DNAH6: variants seen among roughly 807,000 people sequenced by gnomAD.
DNAH6 encodes dynein axonemal heavy chain 6.
Under a neutral mutation model 491.4 loss-of-function variants are expected in DNAH6, and 340 were observed. The ratio of observed to expected loss-of-function variants is 0.69; its 90% CI spans 0.63 to 0.76. DNAH6 has a LOEUF of 0.76. Ranked by LOEUF, DNAH6 falls within the 30% of genes least tolerant of loss-of-function variation. DNAH6 has a pLI of 0.00. For missense variants in DNAH6, 4,443 were observed against 4,972.2 expected (o/e 0.89, Z 3.20); for synonymous variants, 1,603 against 1,686.1 (o/e 0.95, Z 1.21).
chr2:84,681,252 AT>A, intron 41 of DNAH6, 104 bp from the exon 42 acceptor site: 1 of 999,804 alleles, frequency 1.0e-6, no homozygotes, highest in Non-Finnish European at 1.4e-6. Context: ...TTGTGTTGGA[AT>A]TTGGCTTTCT....
intron 11 of DNAH6, among the ~76,000 whole-genome samples, chr2:84,559,236 G>C (rs937150498): frequency 1.3e-5 from 2 of 152,142 alleles, no homozygotes; most frequent in Non-Finnish European, 2.9e-5. Flanking sequence ...TGTATCAGAG[G>C]ACTGTCTACA....
intron 48 of DNAH6, 34 bp from the exon 49 acceptor site, chr2:84,701,056 AATGACAC>A (rs1695854316): frequency 3.2e-6 from 5 of 1,540,670 alleles, no homozygotes; most frequent in Non-Finnish European, 2.6e-6. Context: ...ATGTTATTGA[AATGACAC>A]AACAGATTTT....
At chr2:84,495,089 A>G in the DNAH6 span, among the ~76,000 whole-genome samples, 1 of 152,332 alleles carries the variant, frequency 6.6e-6, no homozygotes, top group South Asian at 2.1e-4. Flanking sequence ...TTTAATTCAT[A>G]TGATGTGTGG....
rs1321434779 is a variant in DNAH6, at chr2:84,653,444, A to C, written c.5204A>C (p.Lys1735Thr). ...NLQPEMCMVRKVIQFYETMLV... is the reference protein window; with the variant it reads ...NLQPEMCMVRTVIQFYETMLV... ...CAGCCTGAGATGTGTATGGTTAGAA[A>C]GGTGATACAGTTTTATGAAACTATG... Residue 1735 changes from lysine to threonine, a missense_variant, in exon 34 of 77, where the codon AAG becomes ACG. Lys to Thr is a moderately conservative substitution (Grantham distance 78, BLOSUM62 -1). Around this residue, in one of 3 missense-constraint regions of DNAH6, gnomAD observed 2,977 missense variants for 3,296.6 expected, o/e 0.90. Coordinates refer to ENST00000389394, the MANE Select transcript of DNAH6 (RefSeq NM_001370.2). 5 of 1,551,220 alleles carry C rather than the reference A, an allele frequency of 3.2e-6. No homozygotes were observed. Among genetic ancestry groups the C allele is most frequent in the Middle Eastern group, 3.3e-4 (2 of 5,988 alleles).
intron 63 of DNAH6, among the ~76,000 whole-genome samples, chr2:84,757,382 G>T (rs1293743104): frequency 6.6e-6 from 1 of 152,164 alleles, no homozygotes; most frequent in African/African-American, 2.4e-5. Context: ...GGTAGAGTGA[G>T]ATCTGATACG....
chr2:84,523,444 C>T (rs778260140), intron 2 of DNAH6, among the ~76,000 whole-genome samples: 19 of 151,602 alleles, frequency 1.3e-4, no homozygotes, highest in Non-Finnish European at 2.5e-4. Context: ...TTTTTTATTT[C>T]TCAATATCCT....
intron 64 of DNAH6, among the ~76,000 whole-genome samples, chr2:84,765,147 A>G (rs1395486634): frequency 6.6e-6 from 1 of 152,140 alleles, no homozygotes; most frequent in East Asian, 1.9e-4. Flanking sequence ...AAATAATTGC[A>G]TGTATTATTT....
chr2:84,735,233 T>C (rs1206637466), intron 62 of DNAH6, among the ~76,000 whole-genome samples: 1 of 152,252 alleles, frequency 6.6e-6, no homozygotes, highest in Non-Finnish European at 1.5e-5. Flanking sequence ...CGTAATGTCA[T>C]TCTTTCTATG....
At chr2:84,778,815 G>C (rs537065685) in intron 64 of DNAH6, among the ~76,000 whole-genome samples, 4 of 152,262 alleles carry the variant, frequency 2.6e-5, no homozygotes, top group Admixed American at 6.5e-5. Flanking sequence ...ACACTGCTTT[G>C]CTGCATCCCA....
At chr2:84,598,188 T>TTTTCTTTCTTTC (rs55731012) in intron 18 of DNAH6, among the ~76,000 whole-genome samples, 3 of 132,860 alleles carry the variant, frequency 2.3e-5, no homozygotes, top group Non-Finnish European at 3.1e-5. Flanking sequence ...TCTCTCTTTC[T>TTTTCTTTCTTTC]TTTCTTTCTT....
intron 70 of DNAH6, among the ~76,000 whole-genome samples, chr2:84,803,602 A>T (rs1679138236): frequency 6.6e-6 from 1 of 152,030 alleles, no homozygotes; most frequent in Non-Finnish European, 1.5e-5. Flanking sequence ...AACATTATGA[A>T]TAATTCATAA....
chr2:84,577,580 C>G (rs1573079406), intron 13 of DNAH6, among the ~76,000 whole-genome samples, 172 bp downstream of exon 13: 1 of 152,030 alleles, frequency 6.6e-6, no homozygotes, highest in African/African-American at 2.4e-5. Context: ...TTGTCACAAG[C>G]ATAATCAGCT....
At chr2:84,546,904 GA>G (rs1447570210) in intron 5 of DNAH6, among the ~76,000 whole-genome samples, 3 of 152,162 alleles carry the variant, frequency 2.0e-5, no homozygotes, top group Non-Finnish European at 4.4e-5. Context: ...TAAATTAATA[GA>G]TGGGCCTTTC....
Position 84,573,582 on chromosome 2 carries a change from A to T in DNAH6, c.1919A>T (p.Glu640Val), listed in dbSNP as rs375321850. The T allele has an allele frequency of 6.4e-7, 1 of 1,567,034 alleles. No homozygotes were observed. Among genetic ancestry groups the T allele is most frequent in the Non-Finnish European group, 8.6e-7 (1 of 1,166,942 alleles). The change falls in exon 12 of 77, where the codon GAA becomes GTA. Residue 640 changes from glutamate (E) to valine (V), a missense_variant. Glu to Val is a moderately radical substitution (Grantham distance 121). Transcript: ENST00000389394. ...GATTTACAAGCTCTTAAACTTCAGG[A>T]ACCTGGTAACTTGTCCATTTGTACT... ...SLDLQALKLQ[E>V]PDINFFSEQL...
intron 64 of DNAH6, among the ~76,000 whole-genome samples, chr2:84,769,583 T>C (rs960793175): frequency 3.3e-5 from 5 of 152,154 alleles, no homozygotes; most frequent in African/African-American, 1.2e-4. Context: ...ACAGAAAATA[T>C]CTTGTTCTTG....
At chr2:84,725,178 A>C (rs1482473296) in intron 60 of DNAH6, among the ~76,000 whole-genome samples, 1 of 152,218 alleles carries the variant, frequency 6.6e-6, no homozygotes, top group Non-Finnish European at 1.5e-5. Context: ...TGCATATAAC[A>C]TTCCAACAAT....
intron 64 of DNAH6, among the ~76,000 whole-genome samples, chr2:84,770,636 A>C (rs1314226655): frequency 6.6e-6 from 1 of 152,200 alleles, no homozygotes; most frequent in Admixed American, 6.5e-5. Flanking sequence ...TGTCACGAAC[A>C]TGCAGATAGG....
At chr2:84,758,483 T>G (rs1429246058) in intron 63 of DNAH6, among the ~76,000 whole-genome samples, 1 of 152,040 alleles carries the variant, frequency 6.6e-6, no homozygotes, top group Non-Finnish European at 1.5e-5. Flanking sequence ...AAGAAAAATA[T>G]AGACCAATAT....
intron 21 of DNAH6, 65 bp from the exon 22 acceptor site, chr2:84,611,609 T>G (rs1686342811): frequency 2.9e-6 from 4 of 1,368,846 alleles, no homozygotes; most frequent in Non-Finnish European, 3.0e-6. Flanking sequence ...GTCATGATTT[T>G]TACTGTAACC....
Sources: allele counts gnomAD v4.1 joint callset (sites outside exome capture counted in the v4.1 genomes callset), GRCh38; gene constraint gnomAD v4.1.1; regional missense constraint gnomAD v4.1.1; transcripts MANE v1.5; gene names NCBI Gene and HGNC (gene_info 2026-07-23, HGNC 2026-07-21).